Variants in ARNT2 observed in about 807,000 individuals in gnomAD.
The protein encoded by ARNT2 is ARNT protein 2.
A neutral mutation model predicts 91.7 loss-of-function variants in ARNT2; 36 were observed. The observed-to-expected ratio is 0.39, with a 90% CI of 0.30 to 0.52. The LOEUF (loss-of-function observed/expected upper bound fraction) is 0.52. ARNT2 is among the 20% of genes least tolerant of loss of function. ARNT2 has a pLI of 0.72. For synonymous variants in ARNT2, 365 were observed against 347.1 expected (o/e 1.05, Z -0.57); for missense variants, 775 against 939.3 (o/e 0.83, Z 2.29).
intron 5 of ARNT2, among the ~76,000 whole-genome samples, chr15:80,483,251 C>T (rs149207807): frequency 2.8e-4 from 43 of 152,284 alleles, no homozygotes; most frequent in African/African-American, 9.6e-4. Flanking sequence ...TTATATACTT[C>T]GATGCACATT....
At position 80,574,934 on chromosome 15, in the gene ARNT2, G is replaced by A. The variant is rs557727966; in HGVS notation, c.1390-53G>A. On this transcript the variant is annotated intron_variant, in intron 13 of 18. Transcript: ENST00000303329. ...GAGCTGGTGGCTCCTGGGGACGCAT[G>A]TTCTGTGCCTTACGCATGAGTTGCT... The A allele has an allele frequency of 5.0e-6, 8 of 1,597,172 alleles. No homozygotes were observed. The South Asian group carries it at 8.9e-5, about 18-fold the overall frequency.
intron 5 of ARNT2, among the ~76,000 whole-genome samples, chr15:80,495,604 C>T (rs1323144968): frequency 6.6e-6 from 1 of 152,212 alleles, no homozygotes; most frequent in Admixed American, 6.5e-5. Context: ...TTGTCAGAAG[C>T]ATGTTTCTCA....
At chr15:80,584,791 T>C (rs561557151) in intron 17 of ARNT2, among the ~76,000 whole-genome samples, 1 of 152,318 alleles carries the variant, frequency 6.6e-6, no homozygotes, top group South Asian at 2.1e-4. Context: ...CCTCAGTTCA[T>C]TATCCATGGC....
chr15:80,516,925 C>A (rs1178197227), intron 8 of ARNT2, among the ~76,000 whole-genome samples: 2 of 144,026 alleles, frequency 1.4e-5, no homozygotes, highest in Non-Finnish European at 3.0e-5. Context: ...CTTCCTTCTT[C>A]TGTCTTTTCA....
intron 5 of ARNT2, among the ~76,000 whole-genome samples, chr15:80,494,982 C>T (rs756542262): frequency 8.5e-5 from 13 of 152,174 alleles, no homozygotes; most frequent in Non-Finnish European, 1.8e-4. Flanking sequence ...AAGGGATTGA[C>T]ATGCAAACAG....
intron 14 of ARNT2, among the ~76,000 whole-genome samples, chr15:80,576,311 C>G (rs1183189982): frequency 1.3e-5 from 2 of 151,818 alleles, no homozygotes; most frequent in Non-Finnish European, 2.9e-5. Flanking sequence ...GAGTCTTGCT[C>G]TGTCGCCCAG....
intron 8 of ARNT2, among the ~76,000 whole-genome samples, chr15:80,518,277 C>CTTTTTTTTTTTTT (rs56726705): frequency 8.7e-4 from 78 of 89,340 alleles, no homozygotes; most frequent in East Asian, 2.1e-3. Context: ...TTTTTCTATT[C>CTTTTTTTTTTTTT]TTTTTTTTTT....
rs3054951 is a variant in ARNT2, at chr15:80,423,776, C to CAGAGAG, written c.31+19249_31+19254dup. On this transcript the variant is annotated intron_variant, in intron 1 of 18. Transcript: ENST00000303329. ...TGTGTGAAAGAGAGGGAGAAAGAGG[C>CAGAGAG]AGAGAGAGAGAGAGAGAGAGAGAGT... Among the ~76,000 whole-genome samples, 482 of 148,534 alleles carry CAGAGAG rather than the reference C, an allele frequency of 3.2e-3. 2 individuals carry two copies. Among genetic ancestry groups the CAGAGAG allele is most frequent in the African/African-American group, 5.3e-3 (212 of 40,204 alleles).
Position 80,576,862 on chromosome 15 carries a change from C to G in ARNT2, c.1514-4C>G, listed in dbSNP as rs756160332. ...GCATGTGACTCCTGCTCTGGTTTTC[C>G]TAGCGGAGAAGAAGATGATGAGCTC... On this transcript the variant is annotated splice_polypyrimidine_tract_variant and splice_region_variant and intron_variant, in intron 14 of 18. Coordinates refer to ENST00000303329, the MANE Select transcript of ARNT2 (RefSeq NM_014862.4). 3.7e-6 allele frequency: 6 copies of G among 1,613,556 alleles called. No individual in the cohort carries two copies. Among genetic ancestry groups the G allele is most frequent in the South Asian group, 2.2e-5 (2 of 91,084 alleles).
chr15:80,459,664 C>T (rs1488862605), intron 3 of ARNT2, among the ~76,000 whole-genome samples: 1 of 152,180 alleles, frequency 6.6e-6, no homozygotes, highest in Non-Finnish European at 1.5e-5. Flanking sequence ...GTATTAGGCC[C>T]GATCATTAAG....
At chr15:80,473,181 A>G (rs764229125) in intron 4 of ARNT2, among the ~76,000 whole-genome samples, 3 of 152,148 alleles carry the variant, frequency 2.0e-5, no homozygotes, top group African/African-American at 7.2e-5. Flanking sequence ...TAAGTGGGAG[A>G]GCGGTAGGTG....
chr15:80,434,632 G>C (rs1297858287), intron 1 of ARNT2: 1 of 152,716 alleles, frequency 6.5e-6, no homozygotes, highest in East Asian at 1.9e-4. Context: ...AAAGGAGTGG[G>C]GACAGAGAGC....
Position 80,404,567 on chromosome 15 carries a change from C to T in ARNT2, c.31+21C>T, listed in dbSNP as rs1332978685. 16 of 1,094,658 alleles carry T rather than the reference C, an allele frequency of 1.5e-5. No individual in the cohort carries two copies. Among genetic ancestry groups the T allele is most frequent in the Middle Eastern group, 3.8e-4 (1 of 2,650 alleles). The allele number at this position is 1,094,658 out of a possible 1,614,324, so 67.8% of individuals were successfully genotyped here. On this transcript the variant is annotated intron_variant, in intron 1 of 18. Transcript: ENST00000303329. This position sits in a 1 kb window ranked among gnomAD's most constrained non-coding sequence, Gnocchi z 5.5. ...TCCGGGTGAGTAGCGGCCTGGGCCC[C>T]GCCGCCCGCCGCAGCCCGCAGGCCT...
intron 12 of ARNT2, 44 bp downstream of exon 12, chr15:80,563,283 T>C: frequency 6.2e-7 from 1 of 1,611,456 alleles, no homozygotes. Context: ...CACATGCGCT[T>C]GCTTGGGTCC....
At chr15:80,585,490 A>T (rs1174668980) in intron 17 of ARNT2, among the ~76,000 whole-genome samples, 5 of 152,214 alleles carry the variant, frequency 3.3e-5, no homozygotes, top group Non-Finnish European at 7.3e-5. Flanking sequence ...GGCTAAGGGA[A>T]AGTAGACAAG....
chr15:80,583,004 G>A (rs893849252), intron 17 of ARNT2, among the ~76,000 whole-genome samples: 1 of 152,142 alleles, frequency 6.6e-6, no homozygotes, highest in Non-Finnish European at 1.5e-5. Context: ...GAAGCCCAGG[G>A]ACCATCTGGC....
intron 1 of ARNT2, chr15:80,441,325 TAAG>T (rs2141577905): frequency 1.0e-6 from 1 of 985,282 alleles, no homozygotes; most frequent in Admixed American, 6.1e-5. Flanking sequence ...CAGATTCTCC[TAAG>T]AAGGTGTTGG....
chr15:80,425,605 T>C (rs2141564818), intron 1 of ARNT2, among the ~76,000 whole-genome samples: 1 of 152,336 alleles, frequency 6.6e-6, no homozygotes, highest in East Asian at 1.9e-4. Context: ...ATGGGATACA[T>C]GTGCAGAATG....
intron 18 of ARNT2, among the ~76,000 whole-genome samples, chr15:80,592,931 G>T (rs998235807): frequency 9.2e-5 from 14 of 152,356 alleles, no homozygotes; most frequent in African/African-American, 3.4e-4. Context: ...ATAAGGACTG[G>T]ATTTCTAGGA....
Sources: allele counts gnomAD v4.1 joint callset (sites outside exome capture counted in the v4.1 genomes callset), GRCh38; gene constraint gnomAD v4.1.1; non-coding constraint Gnocchi (gnomAD v3.1); transcripts MANE v1.5; gene names NCBI Gene and HGNC (gene_info 2026-07-23, HGNC 2026-07-21).